STEAP2: variants seen among roughly 807,000 people sequenced by gnomAD.
STEAP2 encodes the protein STEAP2 metalloreductase.
STEAP2 carries 30 observed loss-of-function variants against 46.4 expected under a neutral mutation model. That is an observed-to-expected ratio of 0.65 (90% CI 0.48 to 0.88). STEAP2 has a LOEUF of 0.88. Among genes scored for constraint, STEAP2 ranks in the 40% least tolerant of loss-of-function variants. The pLI is 0.00. For missense variants in STEAP2, 513 were observed against 579.3 expected, an observed-to-expected ratio of 0.89 and a Z score of 1.18; for synonymous variants, 180 against 200.5, an observed-to-expected ratio of 0.90 and a Z score of 0.86.
intron 5 of STEAP2, 43 bp from the exon 6 acceptor site, chr7:90,232,294 G>A: frequency 6.7e-7 from 1 of 1,500,428 alleles, no homozygotes; most frequent in Non-Finnish European, 8.9e-7. Flanking sequence ...TCAGTCATTT[G>A]TTTCTTATTC....
downstream of STEAP2, among the ~76,000 whole-genome samples, chr7:90,238,612 T>G (rs188743799): frequency 3.5e-4 from 53 of 152,298 alleles, no homozygotes; most frequent in African/African-American, 1.2e-3. Flanking sequence ...CTAACACCTG[T>G]GTTTGTGTTC....
intron 1 of STEAP2, among the ~76,000 whole-genome samples, chr7:90,214,470 T>C (rs1794939600): frequency 6.6e-6 from 1 of 152,122 alleles, no homozygotes; most frequent in African/African-American, 2.4e-5. Context: ...TGGTCTTTGA[T>C]AGGTAAAATT....
chr7:90,243,080 T>A (rs1796082967), downstream of STEAP2, among the ~76,000 whole-genome samples: 1 of 152,174 alleles, frequency 6.6e-6, no homozygotes, highest in East Asian at 1.9e-4. Flanking sequence ...GTGCTAGAAA[T>A]GCTCACTACT....
At position 90,236,114 on chromosome 7, in the gene STEAP2, C is replaced by T. The variant is rs1294779458; in HGVS notation, c.*3490C>T. On this transcript the variant is annotated 3_prime_UTR_variant, in exon 6 of 6. Coordinates refer to ENST00000394621, the MANE Select transcript of STEAP2 (RefSeq NM_001244944.2). ...AATTTTTAAATATTTTAATATATCT[C>T]CTATCTGATAACTTAATTCTTCTAA... is the stretch of plus-strand genomic sequence containing the variant. The T allele has an allele frequency of 1.2e-5, 8 of 642,324 alleles. No individual in the cohort carries two copies. The highest frequency in any genetic ancestry group is 1.5e-5 in the Non-Finnish European group (8 of 518,082). The allele number at this position is 642,324 out of a possible 1,614,324, so 39.8% of individuals were successfully genotyped here.
In STEAP2 at chr7:90,212,049, A is replaced by G. The variant is rs1794831855; in HGVS notation, c.-147+4A>G. 2 of 152,456 alleles carry G rather than the reference A, an allele frequency of 1.3e-5. No individual in the cohort carries two copies. Among genetic ancestry groups the G allele is most frequent in the Non-Finnish European group, 2.9e-5 (2 of 68,412 alleles). The allele number at this position is 152,456 out of a possible 1,614,324, so 9.4% of individuals were successfully genotyped here. Reference sequence around the variant, plus strand: ...GGAGGGCGCGGGGGGCGCGGAGGTGAGCGGGTCGGGGAGGAGCGCGAAAGA... The same window carrying G: ...GGAGGGCGCGGGGGGCGCGGAGGTGGGCGGGTCGGGGAGGAGCGCGAAAGA... On this transcript the variant is annotated splice_donor_region_variant and intron_variant, in intron 1 of 5. Coordinates refer to ENST00000394621, the MANE Select transcript of STEAP2 (RefSeq NM_001244944.2).
chr7:90,238,080 T>C (rs1796012724), downstream of STEAP2: 1 of 717,518 alleles, frequency 1.4e-6, no homozygotes, highest in African/African-American at 1.7e-5. Context: ...CTCTTCCTCA[T>C]GCCTTGCCTC....
chr7:90,243,152 G>C, the STEAP2 span, among the ~76,000 whole-genome samples: 2 of 152,204 alleles, frequency 1.3e-5, no homozygotes, highest in African/African-American at 4.8e-5. Context: ...TCCTAATCTA[G>C]TGTTACCATT....
chr7:90,228,172 T>C (rs1795577726), intron 4 of STEAP2, among the ~76,000 whole-genome samples: 1 of 152,144 alleles, frequency 6.6e-6, no homozygotes, highest in South Asian at 2.1e-4. Context: ...TAATTCCCAA[T>C]CCACAAATGT....
chr7:90,232,199 G>T, intron 5 of STEAP2, 138 bp from the exon 6 acceptor site: 1 of 1,052,662 alleles, frequency 9.5e-7, no homozygotes. Context: ...TTCAGTAGAG[G>T]ACAAAGGTTA....
rs1392570888 is a variant in STEAP2 at position 90,229,870 on chromosome 7, AG to A, written c.1021del. 6.2e-7 allele frequency: 1 copy of A among 1,611,802 alleles called. No homozygotes were observed. The highest frequency in any genetic ancestry group is 8.5e-7 in the Non-Finnish European group (1 of 1,178,886). ...GGAAATTCACATTCGCTTTCTTGTT[AG>A]GTTCATGCAAATATTGAAAACTCTT... On this transcript the variant is annotated splice_acceptor_variant, in intron 4 of 5. Coordinates refer to ENST00000394621, the MANE Select transcript of STEAP2 (RefSeq NM_001244944.2).
rs1795675935 is a variant in STEAP2, at chr7:90,230,085, T to G, written c.1185+49T>G. 3 of 1,581,178 alleles carry G rather than the reference T, an allele frequency of 1.9e-6. No homozygotes were observed. The African/African-American group carries it at 4.1e-5, about 22-fold the overall frequency. ...AGGATTGTGCAGGATAGGATTTCCT[T>G]GTTAAGAACAACTGCATTTTAAATA... On this transcript the variant is annotated intron_variant, in intron 5 of 5. Transcript: ENST00000394621.
rs1795818920 is a variant in STEAP2 at position 90,232,832 on chromosome 7, T to C, written c.*208T>C. 3 of 1,243,468 alleles carry C rather than the reference T, an allele frequency of 2.4e-6. No homozygotes were observed. Among genetic ancestry groups the C allele is most frequent in the Non-Finnish European group, 3.0e-6 (3 of 989,716 alleles). 77.0% of individuals were successfully genotyped at this position (1,243,468 alleles called of 1,614,324 possible). A position where few individuals can be genotyped will look rare whatever the true frequency, so the allele number is the denominator to read the frequency against. ...ATATGAATTTTTCTAGTCAACATATTATTGTAATTTAGGTATGTTTTGTTT... is the reference window on the plus strand; with the variant it reads ...ATATGAATTTTTCTAGTCAACATATCATTGTAATTTAGGTATGTTTTGTTT... On this transcript the variant is annotated 3_prime_UTR_variant, in exon 6 of 6. Transcript: ENST00000394621.
At chr7:90,212,803 G>T (rs1364400416) in intron 1 of STEAP2, among the ~76,000 whole-genome samples, 1 of 151,946 alleles carries the variant, frequency 6.6e-6, no homozygotes, top group Non-Finnish European at 1.5e-5. Flanking sequence ...AGGAGAAAAA[G>T]AATTCAGACT....
chr7:90,226,392 TAA>T (rs1273481537), intron 3 of STEAP2, among the ~76,000 whole-genome samples: 1 of 152,170 alleles, frequency 6.6e-6, no homozygotes, highest in Non-Finnish European at 1.5e-5. Flanking sequence ...AATGAGTTTT[TAA>T]AAAAGTTTAT....
Position 90,232,880 on chromosome 7 carries a change from G to C in STEAP2, c.*256G>C. On this transcript the variant is annotated 3_prime_UTR_variant, in exon 6 of 6. Coordinates refer to ENST00000394621, the MANE Select transcript of STEAP2 (RefSeq NM_001244944.2). ...TTTTGTTTTGCACAACTGTAACCCT[G>C]TTGTTACTTTATATTTCATAATCAG... 1 of 1,087,272 alleles carries C rather than the reference G, an allele frequency of 9.2e-7. No homozygotes were observed. The allele number at this position is 1,087,272 out of a possible 1,614,324, so 67.4% of individuals were successfully genotyped here.
At chr7:90,220,840 T>C (rs1795227317) in intron 2 of STEAP2, among the ~76,000 whole-genome samples, 1 of 151,330 alleles carries the variant, frequency 6.6e-6, no homozygotes, top group African/African-American at 2.4e-5. Context: ...TTTTTATTTG[T>C]TGAGGGAAAT....
In STEAP2 at chr7:90,233,870, A is replaced by C; in HGVS notation, c.*1246A>C. The C allele has an allele frequency of 1.0e-6, 1 of 984,410 alleles. No homozygotes were observed. The highest frequency in any genetic ancestry group is 1.2e-6 in the Non-Finnish European group (1 of 829,038). 61.0% of individuals were successfully genotyped at this position (984,410 alleles called of 1,614,324 possible). A position where few individuals can be genotyped will look rare whatever the true frequency, so the allele number is the denominator to read the frequency against. On this transcript the variant is annotated 3_prime_UTR_variant, in exon 6 of 6. Coordinates refer to ENST00000394621, the MANE Select transcript of STEAP2 (RefSeq NM_001244944.2). ...TCTTTAGAGTGGGTTGGGTGCATCC[A>C]AAAATGTATAAAAATATTATTATAA...
chr7:90,238,165 C>T (rs545700524), downstream of STEAP2: 56 of 717,370 alleles, frequency 7.8e-5, no homozygotes, highest in East Asian at 1.5e-3. Flanking sequence ...CACCACCACA[C>T]TGCTATATGT....
At chr7:90,219,309 C>T (rs1795155140) in intron 2 of STEAP2, among the ~76,000 whole-genome samples, 1 of 152,032 alleles carries the variant, frequency 6.6e-6, no homozygotes, top group South Asian at 2.1e-4. Context: ...GCTAGGACTT[C>T]CAATATGATG....
Sources: allele counts gnomAD v4.1 joint callset (sites outside exome capture counted in the v4.1 genomes callset), GRCh38; gene constraint gnomAD v4.1.1; transcripts MANE v1.5; gene names NCBI Gene and HGNC (gene_info 2026-07-23, HGNC 2026-07-21).